CTNNA2: variants seen among roughly 807,000 people sequenced by gnomAD.
The protein encoded by CTNNA2 is catenin alpha-2.
A neutral mutation model predicts 101.0 loss-of-function variants in CTNNA2; 42 were observed. That is an observed-to-expected ratio of 0.42 (90% CI 0.32 to 0.54). CTNNA2 has a LOEUF of 0.54. CTNNA2 is among the 20% of genes least tolerant of loss of function. The probability of loss-of-function intolerance (pLI) is 0.14; values close to 1 mark genes in which losing one functional copy is unlikely to be tolerated. For synonymous variants in CTNNA2, 450 were observed against 456.4 expected, an observed-to-expected ratio of 0.99 and a Z score of 0.18; for missense variants, 871 against 1,223.1, an observed-to-expected ratio of 0.71 and a Z score of 4.29.
chr2:80,579,224 G>A (rs1278624293), intron 13 of CTNNA2: 1 of 152,090 alleles, frequency 6.6e-6, no homozygotes, highest in African/African-American at 2.4e-5. Flanking sequence ...TTGGGCCATT[G>A]TCTCTTGAAT....
intron 3 of CTNNA2, among the ~76,000 whole-genome samples, chr2:79,371,714 A>G (rs1677874980): frequency 6.6e-6 from 1 of 152,126 alleles, no homozygotes; most frequent in African/African-American, 2.4e-5. Context: ...TCCCAGTTTT[A>G]TGGCTAAAAG....
At chr2:79,388,015 C>T (rs1026344938) in intron 4 of CTNNA2, among the ~76,000 whole-genome samples, 1 of 152,020 alleles carries the variant, frequency 6.6e-6, no homozygotes, top group African/African-American at 2.4e-5. Flanking sequence ...TTTGATTTTA[C>T]TGTATTAAGG....
intron 2 of CTNNA2, among the ~76,000 whole-genome samples, chr2:79,259,981 G>A (rs1450976899): frequency 5.3e-5 from 8 of 152,162 alleles, no homozygotes; most frequent in Admixed American, 5.2e-4. Context: ...AAAGATAGGA[G>A]CAGATGCTAC....
At chr2:79,239,402 G>C (rs750203512) in intron 2 of CTNNA2, among the ~76,000 whole-genome samples, 8 of 152,098 alleles carry the variant, frequency 5.3e-5, no homozygotes, top group Admixed American at 2.6e-4. Flanking sequence ...TGGGAGAACT[G>C]GCTAGCCATG....
chr2:80,163,450 T>C (rs1172367180), intron 7 of CTNNA2, among the ~76,000 whole-genome samples: 1 of 152,164 alleles, frequency 6.6e-6, no homozygotes, highest in Non-Finnish European at 1.5e-5. Context: ...AGTTTGATTT[T>C]ATTGTGGTCA....
chr2:80,483,364 T>A (rs1316688876), intron 9 of CTNNA2, among the ~76,000 whole-genome samples: 3 of 124,856 alleles, frequency 2.4e-5, no homozygotes, highest in African/African-American at 1.0e-4. Flanking sequence ...GTCATGTTGT[T>A]GTTTTATATA....
At position 80,323,668 on chromosome 2, in the gene CTNNA2, T is replaced by TCTC. The variant is rs371939459; in HGVS notation, c.1057-69525_1057-69523dup. On this transcript the variant is annotated intron_variant, in intron 7 of 18. Transcript: ENST00000402739. ...TTGTGTTTCTTCTTTTCTTTCTTTT[T>TCTC]CTCCTCCTCCTCCTCCTCCTTCTTT... Among the ~76,000 whole-genome samples, 266 of 152,044 alleles carry TCTC rather than the reference T, an allele frequency of 1.7e-3. 3 individuals are homozygous for TCTC. Among genetic ancestry groups the TCTC allele is most frequent in the African/African-American group, 5.4e-3 (225 of 41,464 alleles).
At chr2:80,126,332 G>A (rs140562049) in intron 7 of CTNNA2, among the ~76,000 whole-genome samples, 268 of 152,110 alleles carry the variant, frequency 1.8e-3, no homozygotes, top group African/African-American at 6.3e-3. Flanking sequence ...GCCATTGCAT[G>A]ACCCCCTCCT....
At chr2:79,948,003 T>G (rs1688619823) in intron 7 of CTNNA2, among the ~76,000 whole-genome samples, 1 of 152,218 alleles carries the variant, frequency 6.6e-6, no homozygotes, top group South Asian at 2.1e-4. Context: ...GTCCCTGCCC[T>G]GCAAGAAAGG....
In CTNNA2 at chr2:79,631,178, G is replaced by A. The variant is rs576008624; in HGVS notation, c.-5-20374G>A. Among the ~76,000 whole-genome samples the A allele has an allele frequency of 1.2e-3, 183 of 152,146 alleles. 2 individuals carry two copies. Among genetic ancestry groups the A allele is most frequent in the African/African-American group, 4.3e-3 (178 of 41,478 alleles). Reference sequence around the variant, plus strand: ...GAGGCTTTCCTTTCCTCTGTGTGCTGTGCTCATAATGTTGAACGCCTTATG... The same window carrying A: ...GAGGCTTTCCTTTCCTCTGTGTGCTATGCTCATAATGTTGAACGCCTTATG... On this transcript the variant is annotated intron_variant, in intron 1 of 18. Transcript: ENST00000402739.
chr2:80,368,302 T>A (rs956768116), intron 7 of CTNNA2, among the ~76,000 whole-genome samples: 2 of 152,186 alleles, frequency 1.3e-5, no homozygotes, highest in Non-Finnish European at 2.9e-5. Flanking sequence ...TTGAAAAGTA[T>A]TTCATAGACT....
chr2:80,570,996 A>G (rs1484252580), intron 12 of CTNNA2, among the ~76,000 whole-genome samples: 1 of 152,102 alleles, frequency 6.6e-6, no homozygotes, highest in African/African-American at 2.4e-5. Flanking sequence ...TGCGGGAAGT[A>G]TCAGGCCAGG....
chr2:79,228,279 T>C (rs1674446949), intron 2 of CTNNA2, among the ~76,000 whole-genome samples: 1 of 152,216 alleles, frequency 6.6e-6, no homozygotes, highest in South Asian at 2.1e-4. Context: ...AGTAGTGGAA[T>C]TGCTGGGTGG....
At chr2:79,992,019 T>C (rs1269917424) in intron 7 of CTNNA2, among the ~76,000 whole-genome samples, 1 of 152,180 alleles carries the variant, frequency 6.6e-6, no homozygotes, top group Non-Finnish European at 1.5e-5. Context: ...AAATCCAATC[T>C]TGGTATCAGT....
At chr2:80,210,663 G>A (rs1052798530) in intron 7 of CTNNA2, among the ~76,000 whole-genome samples, 29 of 152,056 alleles carry the variant, frequency 1.9e-4, no homozygotes, top group Admixed American at 1.2e-3. Flanking sequence ...GAATAGTGCC[G>A]CAATAAACAC....
At chr2:80,563,898 T>G (rs1459426281) in intron 12 of CTNNA2, among the ~76,000 whole-genome samples, 1 of 152,186 alleles carries the variant, frequency 6.6e-6, no homozygotes, top group African/African-American at 2.4e-5. Flanking sequence ...TCCTAGTGTT[T>G]ATATCTGTCT....
At chr2:79,404,192 C>A (rs1678318304) in intron 4 of CTNNA2, among the ~76,000 whole-genome samples, 1 of 151,474 alleles carries the variant, frequency 6.6e-6, no homozygotes, top group Non-Finnish European at 1.5e-5. Context: ...AAAAGCAGAA[C>A]TCAAGTGTTT....
At chr2:80,118,437 G>T (rs1180378501) in intron 7 of CTNNA2, among the ~76,000 whole-genome samples, 1 of 152,118 alleles carries the variant, frequency 6.6e-6, no homozygotes, top group African/African-American at 2.4e-5. Context: ...TTATGAATCA[G>T]CCTTGTATTT....
intron 7 of CTNNA2, among the ~76,000 whole-genome samples, chr2:80,104,257 C>T (rs72924680): frequency 6.6e-6 from 1 of 152,166 alleles, no homozygotes; most frequent in Non-Finnish European, 1.5e-5. Flanking sequence ...ATCAGCTAAG[C>T]TTTTGGAGGA....
Sources: gnomAD v4.1 joint callset for allele counts (sites outside exome capture counted in the v4.1 genomes callset) on GRCh38, gnomAD v4.1.1 for gene constraint, MANE v1.5 for transcripts, NCBI Gene and HGNC (gene_info 2026-07-23, HGNC 2026-07-21) for gene names.